GREB1L: variants seen among roughly 807,000 people sequenced by gnomAD.
GREB1L encodes GREB1-like protein.
GREB1L carries 17 observed loss-of-function variants against 200.8 expected under a neutral mutation model. The ratio of observed to expected loss-of-function variants is 0.08; its 90% CI spans 0.06 to 0.13. GREB1L has a LOEUF of 0.13. GREB1L is among the 10% of genes least tolerant of loss of function. The pLI is 1.00. For synonymous variants in GREB1L, 789 were observed against 893.0 expected (o/e 0.88, Z 2.08); for missense variants, 1,657 against 2,367.7 (o/e 0.70, Z 6.23).
intron 7 of GREB1L, among the ~76,000 whole-genome samples, chr18:21,413,605 G>A (rs2031312283): frequency 6.6e-6 from 1 of 152,156 alleles, no homozygotes; most frequent in African/African-American, 2.4e-5. Context: ...GGTAGGGATT[G>A]TATCTTTGTC....
intron 7 of GREB1L, among the ~76,000 whole-genome samples, chr18:21,430,690 A>G (rs1303126098): frequency 1.4e-5 from 2 of 144,582 alleles, no homozygotes; most frequent in African/African-American, 5.1e-5. Context: ...TCCGCCTCCC[A>G]GGTTCAAGCC....
At chr18:21,263,233 T>C (rs955656081) in intron 1 of GREB1L, among the ~76,000 whole-genome samples, 3 of 152,214 alleles carry the variant, frequency 2.0e-5, no homozygotes, top group East Asian at 1.9e-4. Flanking sequence ...ACTCCATTGA[T>C]GACTTTGTGC....
In GREB1L at chr18:21,449,733, A is replaced by G. The variant is rs1306456428; in HGVS notation, c.1617A>G (p.Leu539=). ...TGGCGGAGGGCATTTCAGAGACCTT[A>G]AGGACTCTCAGTGAAATGAGACACT... The part of the protein sequence containing the change: ...NSLAEGISET[L]RTLSEMRHYQ... The change falls in exon 12 of 33, where the codon TTA becomes TTG. Residue 539 remains leucine (L), a synonymous_variant. Transcript: ENST00000424526. The G allele has an allele frequency of 1.3e-6, 2 of 1,551,636 alleles. No homozygotes were observed. The highest frequency in any genetic ancestry group is 1.7e-6 in the Non-Finnish European group (2 of 1,146,920).
At chr18:21,406,795 T>G (rs1389462399) in intron 7 of GREB1L, among the ~76,000 whole-genome samples, 4 of 152,198 alleles carry the variant, frequency 2.6e-5, no homozygotes, top group Non-Finnish European at 5.9e-5. Flanking sequence ...TGTCTTGAGT[T>G]CTACCTGCTA....
At chr18:21,282,340 T>C (rs1471268521) in intron 1 of GREB1L, among the ~76,000 whole-genome samples, 2 of 152,318 alleles carry the variant, frequency 1.3e-5, no homozygotes, top group Non-Finnish European at 2.9e-5. Context: ...AAAGTATAAA[T>C]GGTGTTTAAT....
intron 16 of GREB1L, among the ~76,000 whole-genome samples, chr18:21,474,500 T>C (rs562442477): frequency 1.2e-4 from 18 of 152,248 alleles, no homozygotes; most frequent in South Asian, 2.1e-4. Context: ...TCCATACATC[T>C]GAAATCTAGG....
chr18:21,506,908 CTTTAT>C (rs1356668872), intron 25 of GREB1L, among the ~76,000 whole-genome samples: 1 of 152,174 alleles, frequency 6.6e-6, no homozygotes, highest in Admixed American at 6.5e-5. Flanking sequence ...CCAAATTCAT[CTTTAT>C]TTTTATAACT....
rs1244324815 is a variant in GREB1L at position 21,318,240 on chromosome 18, C to T, written c.-119-47787C>T. On this transcript the variant is annotated intron_variant, in intron 1 of 32. Coordinates refer to ENST00000424526, the MANE Select transcript of GREB1L (RefSeq NM_001142966.3). ...CAGAACTTGGTATGTAGAAAGTATT[C>T]AACAAATGTCTAGAGAATCTAAATC... Among the ~76,000 whole-genome samples the T allele has an allele frequency of 3.9e-5, 6 of 151,958 alleles. No homozygotes were observed. In the South Asian group the frequency reaches 1.0e-3, roughly 26 times the overall value.
chr18:21,514,610 G>GT (rs535816860), intron 28 of GREB1L, among the ~76,000 whole-genome samples: 2 of 152,180 alleles, frequency 1.3e-5, no homozygotes, highest in Non-Finnish European at 2.9e-5. Flanking sequence ...CCCCAACTCT[G>GT]TTTTTTGTTT....
chr18:21,268,522 T>C (rs370639860), intron 1 of GREB1L, among the ~76,000 whole-genome samples: 4,652 of 65,122 alleles, frequency 0.071, 244 homozygotes, highest in Non-Finnish European at 0.091. Context: ...TATATATATA[T>C]ACACACACAC....
Position 21,383,612 on chromosome 18 carries a change from G to T in GREB1L, c.94G>T (p.Val32Leu), listed in dbSNP as rs532181089. 6.4e-7 allele frequency: 1 copy of T among 1,551,132 alleles called. No individual in the cohort carries two copies. The highest frequency in any genetic ancestry group is 2.4e-5 in the East Asian group (1 of 40,860). ...IEASLRCSSV[V>L]PRPIFSQLYL... is the part of the protein sequence containing the mutation. The stretch of plus-strand genomic sequence containing the variant: ...AGCCTCCCTCAGATGTAGTAGTGTG[G>T]TACCACGGCCAATTTTTTCCCAGCT... The change falls in exon 3 of 33, where the codon GTA becomes TTA. Residue 32 changes from valine (V) to leucine (L), a missense_variant. Val to Leu is a conservative substitution (Grantham distance 32, BLOSUM62 1). This residue lies in a region of GREB1L where 121 missense variants were observed against 126.6 expected (regional missense o/e 0.96). Coordinates refer to ENST00000424526, the MANE Select transcript of GREB1L (RefSeq NM_001142966.3).
intron 1 of GREB1L, among the ~76,000 whole-genome samples, chr18:21,243,900 C>A (rs905185562): frequency 6.6e-6 from 1 of 152,084 alleles, no homozygotes; most frequent in African/African-American, 2.4e-5. Flanking sequence ...GCCCTCTTTC[C>A]TCTCCTCCAT....
chr18:21,438,091 G>A (rs905176316), intron 7 of GREB1L, among the ~76,000 whole-genome samples: 1 of 151,848 alleles, frequency 6.6e-6, no homozygotes, highest in Non-Finnish European at 1.5e-5. Flanking sequence ...GACCAGCCTG[G>A]GAAACCCTGT....
chr18:21,391,010 TAA>T (rs1225344569), intron 4 of GREB1L, among the ~76,000 whole-genome samples: 4 of 152,196 alleles, frequency 2.6e-5, no homozygotes, highest in African/African-American at 9.7e-5. Context: ...GTGATAAAGT[TAA>T]AAAGTTACAG....
intron 1 of GREB1L, among the ~76,000 whole-genome samples, chr18:21,276,297 C>G (rs2038162363): frequency 6.6e-6 from 1 of 152,194 alleles, no homozygotes; most frequent in Admixed American, 6.5e-5. Flanking sequence ...TTCATCAATA[C>G]CTAACTCTCC....
intron 15 of GREB1L, among the ~76,000 whole-genome samples, chr18:21,467,002 G>A (rs1421808203): frequency 6.6e-6 from 1 of 152,118 alleles, no homozygotes; most frequent in Non-Finnish European, 1.5e-5. Context: ...CAGTTTAACA[G>A]AGAAAGAACA....
chr18:21,328,584 C>CA (rs2039059882), intron 1 of GREB1L, among the ~76,000 whole-genome samples: 1 of 152,144 alleles, frequency 6.6e-6, no homozygotes, highest in Admixed American at 6.5e-5. Context: ...CTCACTTGCT[C>CA]AGGGGGGTCT....
At chr18:21,267,717 C>T (rs2037994378) in intron 1 of GREB1L, among the ~76,000 whole-genome samples, 1 of 151,672 alleles carries the variant, frequency 6.6e-6, no homozygotes, top group South Asian at 2.1e-4. Flanking sequence ...AAGGTATTTG[C>T]AGGAATTTTT....
chr18:21,496,325 G>T (rs1426365891), intron 20 of GREB1L, 129 bp from the exon 21 acceptor site: 7 of 993,824 alleles, frequency 7.0e-6, no homozygotes, highest in Non-Finnish European at 1.0e-5. Flanking sequence ...TGAGGTTTCA[G>T]TCAAGGCTCA....
Sources: gnomAD v4.1 joint callset for allele counts (sites outside exome capture counted in the v4.1 genomes callset) on GRCh38, gnomAD v4.1.1 for gene constraint, gnomAD v4.1.1 regional missense constraint, MANE v1.5 for transcripts, NCBI Gene and HGNC (gene_info 2026-07-23, HGNC 2026-07-21) for gene names.